CDH13: variants seen among roughly 807,000 people sequenced by gnomAD.
The protein encoded by CDH13 is cadherin 13.
Under a neutral mutation model 63.8 loss-of-function variants are expected in CDH13, and 24 were observed. The ratio of observed to expected loss-of-function variants is 0.38; its 90% CI spans 0.27 to 0.53. The LOEUF is 0.53. Among genes scored for constraint, CDH13 ranks in the 20% least tolerant of loss-of-function variants. The probability of loss-of-function intolerance (pLI) is 0.85; values close to 1 mark genes in which losing one functional copy is unlikely to be tolerated. For missense variants in CDH13, 1,049 were observed against 903.1 expected (o/e 1.16, Z -2.07); for synonymous variants, 503 against 355.3 (o/e 1.42, Z -4.67).
chr16:82,708,085 T>G (rs1288723223), intron 1 of CDH13, among the ~76,000 whole-genome samples: 1 of 152,188 alleles, frequency 6.6e-6, no homozygotes, highest in Non-Finnish European at 1.5e-5. Context: ...TGGTTGAAGG[T>G]GGCTCATGTG....
At chr16:83,379,675 A>G (rs1338856764) in intron 6 of CDH13, among the ~76,000 whole-genome samples, 1 of 152,088 alleles carries the variant, frequency 6.6e-6, no homozygotes, top group Non-Finnish European at 1.5e-5. Flanking sequence ...TGAAGAAGAA[A>G]ACCAGCTCAC....
At chr16:83,697,774 A>G (rs866789976) in intron 10 of CDH13, among the ~76,000 whole-genome samples, 3 of 152,158 alleles carry the variant, frequency 2.0e-5, no homozygotes, top group African/African-American at 7.2e-5. Context: ...CAGCCTCCTG[A>G]GTAGCTGGGA....
chr16:83,093,199 C>G (rs975570049), intron 3 of CDH13, among the ~76,000 whole-genome samples: 3 of 151,198 alleles, frequency 2.0e-5, no homozygotes, highest in East Asian at 3.9e-4. Flanking sequence ...TCTGTCTTCT[C>G]CAGCCCTTCT....
At position 82,854,695 on chromosome 16, in the gene CDH13, T is replaced by C. The variant is rs538600824; in HGVS notation, c.46-3667T>C. Among the ~76,000 whole-genome samples the C allele has an allele frequency of 2.2e-4, 34 of 152,290 alleles. No homozygotes were observed. The East Asian group carries it at 4.6e-3, about 21-fold the overall frequency. ...TGAGATCCCAGCAGAAATGTCTCTT[T>C]TGTGGTTTTGCTTTCCTTGATGCTC... On this transcript the variant is annotated intron_variant, in intron 1 of 13. Transcript: ENST00000567109.
At chr16:83,209,957 A>T (rs993861627) in intron 4 of CDH13, among the ~76,000 whole-genome samples, 1 of 152,142 alleles carries the variant, frequency 6.6e-6, no homozygotes, top group Admixed American at 6.5e-5. Flanking sequence ...GCTGTGCCTC[A>T]TGCTGGGTTG....
chr16:83,164,864 G>A (rs1265777829), intron 4 of CDH13, among the ~76,000 whole-genome samples: 1 of 148,830 alleles, frequency 6.7e-6, no homozygotes, highest in African/African-American at 2.6e-5. Context: ...CTAGTGTCAC[G>A]CCCTCACAAA....
intron 7 of CDH13, among the ~76,000 whole-genome samples, chr16:83,487,464 C>G (rs1308227162): frequency 6.6e-6 from 1 of 152,102 alleles, no homozygotes; most frequent in Non-Finnish European, 1.5e-5. Flanking sequence ...GACATGTGCT[C>G]CCACCTCGAT....
intron 5 of CDH13, among the ~76,000 whole-genome samples, chr16:83,313,373 A>G (rs201953525): frequency 2.6e-5 from 4 of 152,202 alleles, no homozygotes; most frequent in East Asian, 1.9e-4. Flanking sequence ...AGCTTTCTCT[A>G]TATACCATTC....
chr16:82,819,555 A>G (rs1241157680), intron 1 of CDH13, among the ~76,000 whole-genome samples: 1 of 151,868 alleles, frequency 6.6e-6, no homozygotes, highest in East Asian at 1.9e-4. Flanking sequence ...CCCTTTCCCT[A>G]CCTCTAGCCA....
At chr16:83,369,056 C>G (rs763660905) in intron 6 of CDH13, among the ~76,000 whole-genome samples, 3 of 150,898 alleles carry the variant, frequency 2.0e-5, no homozygotes, top group Non-Finnish European at 4.4e-5. Flanking sequence ...CGTATAATGA[C>G]TTCTTTTCCT....
At chr16:83,138,354 C>A (rs774374200) in intron 4 of CDH13, among the ~76,000 whole-genome samples, 1 of 151,712 alleles carries the variant, frequency 6.6e-6, no homozygotes, top group Non-Finnish European at 1.5e-5. Flanking sequence ...CAGACAAGCG[C>A]TGTGATGGGG....
intron 1 of CDH13, among the ~76,000 whole-genome samples, chr16:82,819,632 G>T (rs1226212042): frequency 6.6e-6 from 1 of 152,214 alleles, no homozygotes; most frequent in East Asian, 1.9e-4. Flanking sequence ...AAAGTTGACA[G>T]AGTTACCCAA....
At chr16:83,101,863 G>C (rs994327461) in intron 3 of CDH13, among the ~76,000 whole-genome samples, 1 of 152,170 alleles carries the variant, frequency 6.6e-6, no homozygotes, top group Non-Finnish European at 1.5e-5. Context: ...GGAAAGGTCT[G>C]AGGAAAGTGA....
intron 6 of CDH13, among the ~76,000 whole-genome samples, chr16:83,430,577 A>G (rs1447981421): frequency 6.6e-6 from 1 of 152,176 alleles, no homozygotes; most frequent in Non-Finnish European, 1.5e-5. Context: ...TCTATGTCTT[A>G]TCCATAGAAT....
At chr16:83,145,483 C>A (rs1339528005) in intron 4 of CDH13, among the ~76,000 whole-genome samples, 1 of 152,166 alleles carries the variant, frequency 6.6e-6, no homozygotes, top group Non-Finnish European at 1.5e-5. Context: ...TTAGCGATGA[C>A]AATGCAGTCA....
At chr16:82,912,594 T>C (rs1384345270) in intron 2 of CDH13, among the ~76,000 whole-genome samples, 2 of 152,178 alleles carry the variant, frequency 1.3e-5, no homozygotes, top group African/African-American at 4.8e-5. Context: ...TTCTGCTCCA[T>C]TGACCCTAGG....
At chr16:82,981,657 A>C (rs1478670482) in intron 2 of CDH13, among the ~76,000 whole-genome samples, 1 of 152,204 alleles carries the variant, frequency 6.6e-6, no homozygotes, top group Non-Finnish European at 1.5e-5. Context: ...CATGAAAAAC[A>C]CCATAAAATA....
chr16:83,323,030 G>T (rs1045488864), intron 5 of CDH13, among the ~76,000 whole-genome samples: 14 of 151,966 alleles, frequency 9.2e-5, no homozygotes, highest in Admixed American at 7.2e-4. Flanking sequence ...CCCTGTAGGG[G>T]GCCACAGGTT....
intron 10 of CDH13, among the ~76,000 whole-genome samples, chr16:83,743,063 C>T (rs1402671906): frequency 6.6e-6 from 1 of 152,164 alleles, no homozygotes; most frequent in African/African-American, 2.4e-5. Context: ...AAAATTTAGC[C>T]AGGCATGGTG....
Sources: allele counts gnomAD v4.1 joint callset (sites outside exome capture counted in the v4.1 genomes callset), GRCh38; gene constraint gnomAD v4.1.1; transcripts MANE v1.5; gene names NCBI Gene and HGNC (gene_info 2026-07-23, HGNC 2026-07-21).